EPHB3: variants seen among roughly 807,000 people sequenced by gnomAD.
The protein encoded by EPHB3 is EPH receptor B3.
EPHB3 carries 33 observed loss-of-function variants against 100.2 expected under a neutral mutation model. The observed-to-expected ratio is 0.33, with a 90% CI of 0.25 to 0.44. EPHB3 has a LOEUF of 0.44. Ranked by LOEUF, EPHB3 falls within the 20% of genes least tolerant of loss-of-function variation. The pLI is 1.00. For missense variants in EPHB3, 1,045 were observed against 1,378.3 expected, an observed-to-expected ratio of 0.76 and a Z score of 3.83; for synonymous variants, 526 against 554.7, an observed-to-expected ratio of 0.95 and a Z score of 0.73.
In EPHB3 at chr3:184,575,929, C is replaced by G; in HGVS notation, c.956C>G (p.Thr319Ser). 1 of 1,613,974 alleles carries G rather than the reference C, an allele frequency of 6.2e-7. No homozygotes were observed. Among genetic ancestry groups the G allele is most frequent in the Non-Finnish European group, 8.5e-7 (1 of 1,179,932 alleles). Residue 319 changes from threonine (T) to serine (S), a missense_variant, in exon 4 of 16, where the codon ACC (threonine) becomes AGC (serine). Physicochemically the swap from Thr to Ser is moderately conservative, Grantham distance 58. Transcript: ENST00000330394. ...RTTSPAASIC[T>S]CHNNFYRADS... is the part of the protein sequence containing the mutation. The stretch of plus-strand genomic sequence containing the variant: ...ACCTCCCCAGCCGCCAGCATCTGCA[C>G]CTGCCACAATAACTTCTACCGTGCA...
Position 184,578,295 on chromosome 3 carries a change from A to C in EPHB3, c.1749-119A>C. 2.1e-6 allele frequency: 3 copies of C among 1,436,164 alleles called. No individual in the cohort carries two copies. The highest frequency in any genetic ancestry group is 2.9e-6 in the Non-Finnish European group (3 of 1,040,024). 89.0% of individuals were successfully genotyped at this position (1,436,164 alleles called of 1,614,324 possible). On this transcript the variant is annotated intron_variant, in intron 8 of 15. Coordinates refer to ENST00000330394, the MANE Select transcript of EPHB3 (RefSeq NM_004443.4). The surrounding 1 kb of genome is among the most constrained non-coding windows in gnomAD (Gnocchi z 4.7). ...GACTGCTGTGACCACCAATTGTGGG[A>C]CTAGGCCCCAGGCCATCCCCTGTAT...
chr3:184,579,905 G>A lies in EPHB3; in HGVS notation c.2143G>A (p.Glu715Lys), dbSNP rs753240727. 10 of 1,613,848 alleles carry A rather than the reference G, an allele frequency of 6.2e-6. No individual in the cohort carries two copies. The highest frequency in any genetic ancestry group is 8.5e-6 in the Non-Finnish European group (10 of 1,179,966). ...RPVMILTEFM[E>K]NCALDSFLRL... ...AGTTATGATCCTCACTGAGTTCATGGAAAACTGCGCCCTGGACTCCTTCCT... is the reference window on the plus strand; with the variant it reads ...AGTTATGATCCTCACTGAGTTCATGAAAAACTGCGCCCTGGACTCCTTCCT... The change falls in exon 11 of 16, where the codon GAA becomes AAA. Residue 715 changes from glutamate (E) to lysine (K), a missense_variant. Physicochemically the swap from Glu to Lys is moderately conservative, Grantham distance 56. Transcript: ENST00000330394. This position sits in a 1 kb window ranked among gnomAD's most constrained non-coding sequence, Gnocchi z 5.2.
chr3:184,568,598 C>T (rs1560054810), intron 1 of EPHB3, among the ~76,000 whole-genome samples: 1 of 150,666 alleles, frequency 6.6e-6, no homozygotes, highest in East Asian at 1.9e-4. Context: ...TATGACCCCC[C>T]CCCCACATCC....
chr3:184,576,500 G>C (rs1176475916), intron 4 of EPHB3, among the ~76,000 whole-genome samples: 2 of 152,208 alleles, frequency 1.3e-5, no homozygotes, highest in Admixed American at 1.3e-4. Context: ...TGTCCTAAAG[G>C]AGCTCACAAC....
At chr3:184,576,021 G>T in intron 4 of EPHB3, 36 bp downstream of exon 4, 1 of 1,567,972 alleles carries the variant, frequency 6.4e-7, no homozygotes, top group South Asian at 1.2e-5. Flanking sequence ...CCCTCTGCAG[G>T]CCTTCCCTCT....
At position 184,571,326 on chromosome 3, in the gene EPHB3, A is replaced by T; in HGVS notation, c.127A>T (p.Met43Leu). The change falls in exon 2 of 16, where the codon ATG (methionine) becomes TTG (leucine). Residue 43 changes from methionine (M) to leucine (L), a missense_variant. By Grantham distance (15) the Met-to-Leu change is conservative. Coordinates refer to ENST00000330394, the MANE Select transcript of EPHB3 (RefSeq NM_004443.4). This position sits in a 1 kb window ranked among gnomAD's most constrained non-coding sequence, Gnocchi z 5.0. ...AGCRALEETL[M>L]DTKWVTSELA... ...CTCCGTTGTTCCTCCAGAGACCCTC[A>T]TGGACACAAAATGGGTAACATCTGA... 6.2e-7 allele frequency: 1 copy of T among 1,614,012 alleles called. No homozygotes were observed. The highest frequency in any genetic ancestry group is 8.5e-7 in the Non-Finnish European group (1 of 1,179,920).
intron 1 of EPHB3, among the ~76,000 whole-genome samples, chr3:184,564,459 G>A (rs3895232): frequency 0.31 from 47,225 of 152,190 alleles, 7,870 homozygotes; most frequent in South Asian, 0.37. Flanking sequence ...GATAGGAACC[G>A]CACCGACCTC....
rs1714602953 is a variant in EPHB3 at position 184,573,810 on chromosome 3, C to T, written c.856+634C>T. 4.0e-5 allele frequency among the ~76,000 whole-genome samples: 6 copies of T among 151,868 alleles called. No individual in the cohort carries two copies. Among genetic ancestry groups the T allele is most frequent in the Admixed American group, 3.9e-4 (6 of 15,244 alleles). ...TTGGCTTGCTGCAACCTCCACCTCC[C>T]AGGTTCAAACAATTCTCCTGCCTCA... On this transcript the variant is annotated intron_variant, in intron 3 of 15. Coordinates refer to ENST00000330394, the MANE Select transcript of EPHB3 (RefSeq NM_004443.4). The surrounding 1 kb of genome is among the most constrained non-coding windows in gnomAD (Gnocchi z 4.5).
intron 1 of EPHB3, among the ~76,000 whole-genome samples, chr3:184,570,956 C>CT (rs35707076): frequency 0.089 from 12,280 of 137,410 alleles, 539 homozygotes; most frequent in Middle Eastern, 0.14. Flanking sequence ...TTCTTTCTTT[C>CT]TTTTTTTTTT....
Position 184,575,849 on chromosome 3 carries a change from C to T in EPHB3, c.876C>T (p.Tyr292=), listed in dbSNP as rs766613081. Residue 292 remains tyrosine (Y), a synonymous_variant, in exon 4 of 16, where the codon TAC becomes TAT. Transcript: ENST00000330394. ...CCACAGCCTGTCCCCCTGGGAGCTA[C>T]AAGGCGAAGCAGGGAGAGGGGCCCT... ...SQCRPCPPGS[Y]KAKQGEGPCL... is the part of the protein sequence containing the mutation. The T allele has an allele frequency of 8.1e-6, 13 of 1,610,446 alleles. No individual in the cohort carries two copies. Among genetic ancestry groups the T allele is most frequent in the East Asian group, 2.2e-5 (1 of 44,838 alleles).
chr3:184,580,248 A>G (rs532984950), intron 11 of EPHB3, among the ~76,000 whole-genome samples, 154 bp from the exon 12 acceptor site: 1 of 152,322 alleles, frequency 6.6e-6, no homozygotes, highest in African/African-American at 2.4e-5. Context: ...GATACTTGAC[A>G]CATAGTAGGG....
Position 184,562,299 on chromosome 3 carries a change from C to T in EPHB3, c.64C>T (p.Pro22Ser). 8.0e-7 allele frequency: 1 copy of T among 1,250,874 alleles called. No homozygotes were observed. The highest frequency in any genetic ancestry group is 1.0e-6 in the Non-Finnish European group (1 of 997,342). 77.5% of individuals were successfully genotyped at this position (1,250,874 alleles called of 1,614,324 possible). Reference sequence around the variant, plus strand: ...GCCGGGGCTTCTGCCGCTGCTCCCTCCGCTGCTGCTGCTGCCGCTGCTGCT... The same window carrying T: ...GCCGGGGCTTCTGCCGCTGCTCCCTTCGCTGCTGCTGCTGCCGCTGCTGCT... Reference protein sequence around the residue: ...PPPGLLPLLPPLLLLPLLLLP... With the variant: ...PPPGLLPLLPSLLLLPLLLLP... The change falls in exon 1 of 16, where the codon CCG (proline) becomes TCG (serine). Residue 22 changes from proline to serine, a missense_variant. Transcript: ENST00000330394. This position sits in a 1 kb window ranked among gnomAD's most constrained non-coding sequence, Gnocchi z 4.8.
rs1560051687 is a variant in EPHB3, at chr3:184,563,619, G to A, written c.118+1266G>A. Among the ~76,000 whole-genome samples, 1 of 152,142 alleles carries A rather than the reference G, an allele frequency of 6.6e-6. No individual in the cohort carries two copies. Among genetic ancestry groups the A allele is most frequent in the African/African-American group, 2.4e-5 (1 of 41,412 alleles). On this transcript the variant is annotated intron_variant, in intron 1 of 15. Coordinates refer to ENST00000330394, the MANE Select transcript of EPHB3 (RefSeq NM_004443.4). The surrounding 1 kb of genome is among the most constrained non-coding windows in gnomAD (Gnocchi z 4.1). ...TCTGAGCCTGCTGTGCTGACAGATC[G>A]AGTCCCACGGGTGGACACATGCAAA...
At chr3:184,575,636 G>A (rs959753292) in intron 3 of EPHB3, among the ~76,000 whole-genome samples, 194 bp from the exon 4 acceptor site, 7 of 152,192 alleles carry the variant, frequency 4.6e-5, no homozygotes, top group African/African-American at 1.4e-4. Flanking sequence ...ATCTGCTGAC[G>A]TGGGGTTTCC....
At position 184,565,588 on chromosome 3, in the gene EPHB3, G is replaced by A. The variant is rs976874072; in HGVS notation, c.118+3235G>A. The stretch of plus-strand genomic sequence containing the variant: ...GTGGAACCTGTCTCTGAAGGAACAA[G>A]ACAGCATAGAGCCCACCTCCTTCAC... On this transcript the variant is annotated intron_variant, in intron 1 of 15. Transcript: ENST00000330394. The surrounding 1 kb of genome is among the most constrained non-coding windows in gnomAD (Gnocchi z 4.8). 6.6e-6 allele frequency among the ~76,000 whole-genome samples: 1 copy of A among 152,200 alleles called. No homozygotes were observed. The highest frequency in any genetic ancestry group is 1.5e-5 in the Non-Finnish European group (1 of 68,026).
intron 12 of EPHB3, 45 bp from the exon 13 acceptor site, chr3:184,580,684 G>A (rs199964100): frequency 3.7e-6 from 6 of 1,609,710 alleles, no homozygotes; most frequent in Non-Finnish European, 3.4e-6. Context: ...GGCCTGGGGG[G>A]CAGCCCGGAG....
intron 1 of EPHB3, among the ~76,000 whole-genome samples, chr3:184,570,454 C>T (rs1200201077): frequency 6.6e-6 from 1 of 152,250 alleles, no homozygotes; most frequent in Non-Finnish European, 1.5e-5. Context: ...ACCAACAGTA[C>T]CTTCTTCCAA....
At chr3:184,566,521 C>T (rs78595716) in intron 1 of EPHB3, among the ~76,000 whole-genome samples, 1 of 152,220 alleles carries the variant, frequency 6.6e-6, no homozygotes, top group East Asian at 1.9e-4. Context: ...CAGGCTCCCC[C>T]CAAGACGCCT....
At position 184,577,548 on chromosome 3, in the gene EPHB3, G is replaced by T; in HGVS notation, c.1479+81G>T. On this transcript the variant is annotated intron_variant, in intron 6 of 15. Transcript: ENST00000330394. This position sits in a 1 kb window ranked among gnomAD's most constrained non-coding sequence, Gnocchi z 4.9. ...ACCCCCGGATCATGATGGGGCCCTT[G>T]GGAGCAAGGCCTTGGGTATGGAGGG... 1 of 1,595,042 alleles carries T rather than the reference G, an allele frequency of 6.3e-7. No homozygotes were observed.
Sources: allele counts gnomAD v4.1 joint callset (sites outside exome capture counted in the v4.1 genomes callset), GRCh38; gene constraint gnomAD v4.1.1; non-coding constraint Gnocchi (gnomAD v3.1); transcripts MANE v1.5; gene names NCBI Gene and HGNC (gene_info 2026-07-23, HGNC 2026-07-21).